CDH13: variants seen among roughly 807,000 people sequenced by gnomAD.
CDH13 encodes the protein cadherin 13.
A neutral mutation model predicts 63.8 loss-of-function variants in CDH13; 24 were observed. The observed-to-expected ratio is 0.38, with a 90% CI of 0.27 to 0.53. The LOEUF (loss-of-function observed/expected upper bound fraction) is 0.53, where lower values mean the gene tolerates loss of function less well. Among genes scored for constraint, CDH13 ranks in the 20% least tolerant of loss-of-function variants. CDH13 has a pLI of 0.85. For missense variants in CDH13, 1,049 were observed against 903.1 expected (o/e 1.16, Z -2.07); for synonymous variants, 503 against 355.3 (o/e 1.42, Z -4.67).
At chr16:83,012,633 G>C (rs1402125238) in intron 2 of CDH13, among the ~76,000 whole-genome samples, 1 of 152,116 alleles carries the variant, frequency 6.6e-6, no homozygotes, top group Non-Finnish European at 1.5e-5. Context: ...AACAGACCTT[G>C]AAGACAAACA....
chr16:83,299,498 C>A (rs557648250), intron 5 of CDH13, among the ~76,000 whole-genome samples: 1 of 152,282 alleles, frequency 6.6e-6, no homozygotes, highest in African/African-American at 2.4e-5. Context: ...TCTGCTTTTC[C>A]GTGGCATGTC....
chr16:83,498,805 G>GAACTTTCAT, intron 7 of CDH13, among the ~76,000 whole-genome samples: 1 of 152,306 alleles, frequency 6.6e-6, no homozygotes, highest in South Asian at 2.1e-4. Flanking sequence ...AGTTTTGGTG[G>GAACTTTCAT]AACTTTCATT....
chr16:82,665,174 C>T (rs561307972), intron 1 of CDH13, among the ~76,000 whole-genome samples: 1 of 152,274 alleles, frequency 6.6e-6, no homozygotes, highest in East Asian at 1.9e-4. Flanking sequence ...TTTAATGCCA[C>T]ATTTGCCACA....
Position 83,441,648 on chromosome 16 carries a change from G to A in CDH13, c.782-44829G>A, listed in dbSNP as rs138933335. ...GCCCAGCTCCTGCTTTTCCTGATAC[G>A]GTTTATGACTCACAGCTGCCACCAA... is the stretch of plus-strand genomic sequence containing the variant. On this transcript the variant is annotated intron_variant, in intron 6 of 13. Transcript: ENST00000567109. Among the ~76,000 whole-genome samples the A allele has an allele frequency of 6.0e-3, 908 of 152,152 alleles. 9 individuals carry two copies. Among genetic ancestry groups the A allele is most frequent in the Middle Eastern group, 0.014 (4 of 294 alleles).
intron 7 of CDH13, among the ~76,000 whole-genome samples, chr16:83,590,263 G>T (rs777163368): frequency 3.3e-5 from 5 of 152,146 alleles, no homozygotes; most frequent in Non-Finnish European, 7.4e-5. Flanking sequence ...GGAAGCTGTT[G>T]CATAAGTCAA....
At chr16:82,709,262 A>G (rs996971914) in intron 1 of CDH13, among the ~76,000 whole-genome samples, 1 of 152,226 alleles carries the variant, frequency 6.6e-6, no homozygotes, top group African/African-American at 2.4e-5. Flanking sequence ...AGCTATTTTA[A>G]TCCCAGGAAC....
chr16:83,726,817 C>G (rs930845055), intron 10 of CDH13, among the ~76,000 whole-genome samples: 6 of 137,190 alleles, frequency 4.4e-5, no homozygotes, highest in Non-Finnish European at 7.7e-5. Context: ...CAGCCTGGGG[C>G]GACAGAGCAA....
intron 5 of CDH13, among the ~76,000 whole-genome samples, chr16:83,255,015 T>C (rs1316279668): frequency 9.5e-6 from 1 of 105,254 alleles, no homozygotes; most frequent in African/African-American, 3.5e-5. Flanking sequence ...TTCTTTCTTT[T>C]TTGCAGCTGA....
chr16:83,354,424 ATAT>A (rs1449171831), intron 6 of CDH13, among the ~76,000 whole-genome samples: 1 of 152,204 alleles, frequency 6.6e-6, no homozygotes, highest in Admixed American at 6.5e-5. Flanking sequence ...GAGTCAGATA[ATAT>A]TATAGGGGCT....
intron 3 of CDH13, among the ~76,000 whole-genome samples, chr16:83,065,856 C>G (rs937262667): frequency 6.6e-6 from 1 of 152,066 alleles, no homozygotes; most frequent in Non-Finnish European, 1.5e-5. Context: ...GCTGGGGAAA[C>G]TTCCTCTTGC....
At position 83,073,354 on chromosome 16, in the gene CDH13, T is replaced by TGTGAGA. The variant is rs1311548254; in HGVS notation, c.366+41137_366+41138insTGAGAG. On this transcript the variant is annotated intron_variant, in intron 3 of 13. Coordinates refer to ENST00000567109, the MANE Select transcript of CDH13 (RefSeq NM_001257.5). Reference sequence around the variant, plus strand: ...GTGTGTGTGTGTGTGTGTGTGTGTGTGAGAGAGAGAGAGAGAGAGAGAGCT... The same window carrying TGTGAGA: ...GTGTGTGTGTGTGTGTGTGTGTGTGTGTGAGAGAGAGAGAGAGAGAGAGAGAGAGCT... Among the ~76,000 whole-genome samples the TGTGAGA allele has an allele frequency of 2.2e-4, 31 of 139,864 alleles. 1 individual carries two copies. The highest frequency in any genetic ancestry group is 1.9e-3 in the South Asian group (8 of 4,296). The allele number at this position is 139,864 out of a possible 152,430, so 91.8% of individuals were successfully genotyped here. A position where few individuals can be genotyped will look rare whatever the true frequency, so the allele number is the denominator to read the frequency against.
intron 2 of CDH13, among the ~76,000 whole-genome samples, chr16:82,976,308 G>A (rs1228493532): frequency 6.6e-6 from 1 of 152,068 alleles, no homozygotes; most frequent in Admixed American, 6.5e-5. Context: ...GTGCCCAGGT[G>A]GGGGCCGATT....
chr16:82,935,650 C>T (rs2042644360), intron 2 of CDH13, among the ~76,000 whole-genome samples: 1 of 152,154 alleles, frequency 6.6e-6, no homozygotes, highest in African/African-American at 2.4e-5. Flanking sequence ...GGGTCCCCAA[C>T]CTCTGGGCTA....
chr16:83,288,607 A>C (rs2089386667), intron 5 of CDH13, among the ~76,000 whole-genome samples: 1 of 152,202 alleles, frequency 6.6e-6, no homozygotes, highest in African/African-American at 2.4e-5. Flanking sequence ...GGTGACATTC[A>C]CATGGCAGAG....
At chr16:83,179,480 C>CAAAAAAAA (rs1491323031) in intron 4 of CDH13, among the ~76,000 whole-genome samples, 1 of 45,046 alleles carries the variant, frequency 2.2e-5, no homozygotes, top group African/African-American at 2.9e-4. Flanking sequence ...CCCGTCTCTA[C>CAAAAAAAA]TAAAAAAAAA....
At chr16:82,632,049 T>G (rs1482048063) in intron 1 of CDH13, among the ~76,000 whole-genome samples, 1 of 152,110 alleles carries the variant, frequency 6.6e-6, no homozygotes. Context: ...AATCCAGGTT[T>G]CTAGCATTTC....
At chr16:83,090,993 T>C (rs1472760831) in intron 3 of CDH13, among the ~76,000 whole-genome samples, 1 of 152,174 alleles carries the variant, frequency 6.6e-6, no homozygotes, top group Non-Finnish European at 1.5e-5. Flanking sequence ...ATAATATATA[T>C]GTTTGTTACT....
At chr16:83,336,077 G>A (rs1036305724) in intron 5 of CDH13, among the ~76,000 whole-genome samples, 1 of 151,972 alleles carries the variant, frequency 6.6e-6, no homozygotes, top group African/African-American at 2.4e-5. Context: ...GAGGTGGGTG[G>A]ATCACCTGAG....
chr16:83,410,810 A>T (rs538775571), intron 6 of CDH13, among the ~76,000 whole-genome samples: 1 of 152,260 alleles, frequency 6.6e-6, no homozygotes, highest in South Asian at 2.1e-4. Flanking sequence ...TTCTTGTGGG[A>T]TTCAGTCCTA....
Sources: gnomAD v4.1 joint callset for allele counts (sites outside exome capture counted in the v4.1 genomes callset) on GRCh38, gnomAD v4.1.1 for gene constraint, MANE v1.5 for transcripts, NCBI Gene and HGNC (gene_info 2026-07-23, HGNC 2026-07-21) for gene names.